HCRTR2: variants seen among roughly 807,000 people sequenced by gnomAD.
HCRTR2 encodes the protein hypocretin receptor 2.
HCRTR2 carries 22 observed loss-of-function variants against 49.0 expected under a neutral mutation model. The ratio of observed to expected loss-of-function variants is 0.45; its 90% CI spans 0.32 to 0.64. The LOEUF (loss-of-function observed/expected upper bound fraction) is 0.64. Among genes scored for constraint, HCRTR2 ranks in the 30% least tolerant of loss-of-function variants. The pLI, the probability that HCRTR2 is intolerant of heterozygous loss-of-function variation, is 0.04. For missense variants in HCRTR2, 491 were observed against 559.4 expected (o/e 0.88, Z 1.23); for synonymous variants, 236 against 205.3 (o/e 1.15, Z -1.28).
chr6:55,280,176 TA>T, intron 5 of HCRTR2, 146 bp from the exon 6 acceptor site: 1 of 626,488 alleles, frequency 1.6e-6, no homozygotes, highest in Non-Finnish European at 2.9e-6. Context: ...GAAGTTATTC[TA>T]AACCAATTAT....
At chr6:55,231,776 C>T (rs893319890) in intron 1 of HCRTR2, among the ~76,000 whole-genome samples, 2 of 152,126 alleles carry the variant, frequency 1.3e-5, no homozygotes, top group African/African-American at 4.8e-5. Flanking sequence ...GACGTGCCTT[C>T]CATTTAATAA....
At chr6:55,193,370 C>G (rs1431767549) in intron 1 of HCRTR2, among the ~76,000 whole-genome samples, 2 of 151,928 alleles carry the variant, frequency 1.3e-5, no homozygotes, top group Non-Finnish European at 2.9e-5. Context: ...GGAGGCAGAG[C>G]ATTAAGAAAG....
chr6:55,154,143 C>T (rs1310260546), intron 1 of HCRTR2, among the ~76,000 whole-genome samples: 5 of 151,728 alleles, frequency 3.3e-5, no homozygotes, highest in African/African-American at 1.2e-4. Context: ...CAAAAACCTC[C>T]CAAGAAGAAG....
At position 55,255,139 on chromosome 6, in the gene HCRTR2, G is replaced by T; in HGVS notation, c.406G>T (p.Val136Leu). The T allele has an allele frequency of 2.5e-6, 4 of 1,613,652 alleles. No individual in the cohort carries two copies. Among genetic ancestry groups the T allele is most frequent in the Non-Finnish European group, 3.4e-6 (4 of 1,179,856 alleles). ...CTATGATCTTTCTTTTCTCTAGACC[G>T]TGTCGGTGTCTGTGTCTGTCCTCAC... is the stretch of plus-strand genomic sequence containing the variant. ...LCKVIPYLQT[V>L]SVSVSVLTLS... The change falls in exon 3 of 7, where the codon GTG (valine) becomes TTG (leucine). Residue 136 changes from valine (V) to leucine (L), a missense_variant. Coordinates refer to ENST00000370862, the MANE Select transcript of HCRTR2 (RefSeq NM_001384272.1).
intron 1 of HCRTR2, among the ~76,000 whole-genome samples, chr6:55,154,566 A>G (rs921734885): frequency 6.6e-6 from 1 of 151,830 alleles, no homozygotes; most frequent in African/African-American, 2.4e-5. Context: ...ACAAACTTTG[A>G]CGTTGTTGAG....
At chr6:55,163,547 T>C (rs1257374152) in intron 1 of HCRTR2, among the ~76,000 whole-genome samples, 1 of 152,184 alleles carries the variant, frequency 6.6e-6, no homozygotes, top group African/African-American at 2.4e-5. Context: ...ATTTAATAAA[T>C]GTTGTTGCGA....
intron 1 of HCRTR2, among the ~76,000 whole-genome samples, chr6:55,175,654 CA>C (rs1765027255): frequency 6.6e-6 from 1 of 152,058 alleles, no homozygotes. Flanking sequence ...GGTCTGTATG[CA>C]AACACGGGTT....
intron 1 of HCRTR2, among the ~76,000 whole-genome samples, chr6:55,166,558 T>G (rs1187433201): frequency 6.6e-6 from 1 of 152,118 alleles, no homozygotes; most frequent in African/African-American, 2.4e-5. Context: ...AAATAACTCG[T>G]GTTGATAAGA....
chr6:55,131,679 A>C (rs1764356522), intron 1 of HCRTR2, among the ~76,000 whole-genome samples: 1 of 151,856 alleles, frequency 6.6e-6, no homozygotes, highest in African/African-American at 2.4e-5. Context: ...ATTTCATTGG[A>C]ATAAGACAAT....
At chr6:55,147,794 A>G (rs1181079469) in intron 1 of HCRTR2, among the ~76,000 whole-genome samples, 2 of 152,226 alleles carry the variant, frequency 1.3e-5, no homozygotes, top group East Asian at 3.8e-4. Context: ...GACTTTGTAT[A>G]GGCTCTGGAT....
rs781177635 is a variant in HCRTR2 at position 55,174,794 on chromosome 6, C to T, written c.207C>T (p.Leu69=). The change falls in exon 1 of 7, where the codon CTC becomes CTT. Residue 69 remains leucine, a synonymous_variant. Coordinates refer to ENST00000370862, the MANE Select transcript of HCRTR2 (RefSeq NM_001384272.1). Reference sequence around the variant, plus strand: ...ACATCATCGTGTTCGTCGTGGCTCTCATTGGGAACGTCCTGGGTGAGTCTC... The same window carrying T: ...ACATCATCGTGTTCGTCGTGGCTCTTATTGGGAACGTCCTGGGTGAGTCTC... ...AGYIIVFVVA[L]IGNVLVCVAV... The T allele has an allele frequency of 1.9e-6, 3 of 1,613,876 alleles. No individual in the cohort carries two copies. Among genetic ancestry groups the T allele is most frequent in the East Asian group, 2.2e-5 (1 of 44,854 alleles).
intron 1 of HCRTR2, among the ~76,000 whole-genome samples, chr6:55,122,494 G>A (rs929930685): frequency 2.6e-5 from 4 of 151,936 alleles, no homozygotes; most frequent in African/African-American, 7.3e-5. Flanking sequence ...GTTATCTCTT[G>A]TCTTCTGCTA....
chr6:55,159,255 G>A lies in HCRTR2; in HGVS notation c.-377-14956G>A, dbSNP rs191941295. Among the ~76,000 whole-genome samples, 50 of 140,100 alleles carry A rather than the reference G, an allele frequency of 3.6e-4. No individual in the cohort carries two copies. In the East Asian group the frequency reaches 6.2e-3, roughly 17 times the overall value. The allele number at this position is 140,100 out of a possible 152,430, so 91.9% of individuals were successfully genotyped here. A position where few individuals can be genotyped will look rare whatever the true frequency, so the allele number is the denominator to read the frequency against. Reference sequence around the variant, plus strand: ...GAAAATTAACAAACAGAAAGGAATAGCATCAACATCAAAAAAACAAAAACA... The same window carrying A: ...GAAAATTAACAAACAGAAAGGAATAACATCAACATCAAAAAAACAAAAACA... On this transcript the variant is annotated intron_variant, in intron 1 of 7. Coordinates refer to the HCRTR2 transcript ENST00000615358.
At chr6:55,233,233 C>T (rs920838480) in intron 1 of HCRTR2, among the ~76,000 whole-genome samples, 5 of 151,860 alleles carry the variant, frequency 3.3e-5, no homozygotes, top group Non-Finnish European at 5.9e-5. Flanking sequence ...GGATTACAGG[C>T]GCCCACCACC....
At chr6:55,146,123 G>T (rs1764577845) in intron 1 of HCRTR2, among the ~76,000 whole-genome samples, 1 of 152,048 alleles carries the variant, frequency 6.6e-6, no homozygotes, top group South Asian at 2.1e-4. Flanking sequence ...CTGTAAAATT[G>T]CTTGGTACAC....
intron 2 of HCRTR2, among the ~76,000 whole-genome samples, chr6:55,250,175 A>G (rs1173110513): frequency 6.6e-6 from 1 of 152,140 alleles, no homozygotes; most frequent in African/African-American, 2.4e-5. Context: ...GTTTAATTAT[A>G]AAGCTAGTTT....
At chr6:55,280,530 T>C (rs755960573) in intron 6 of HCRTR2, 86 bp downstream of exon 6, 101 of 1,572,034 alleles carry the variant, frequency 6.4e-5, no homozygotes, top group Non-Finnish European at 8.3e-5. Flanking sequence ...ATGAGGAGTT[T>C]AGTTGCTATG....
chr6:55,200,124 T>C (rs926122483), intron 1 of HCRTR2, among the ~76,000 whole-genome samples: 1 of 152,174 alleles, frequency 6.6e-6, no homozygotes, highest in African/African-American at 2.4e-5. Context: ...CACTAAAACT[T>C]TAAAAGAATT....
intron 1 of HCRTR2, among the ~76,000 whole-genome samples, chr6:55,141,722 A>G (rs1764510628): frequency 6.6e-6 from 1 of 152,202 alleles, no homozygotes. Flanking sequence ...AGAACAAACA[A>G]TACAACTGGA....
Sources: allele counts gnomAD v4.1 joint callset (sites outside exome capture counted in the v4.1 genomes callset), GRCh38; gene constraint gnomAD v4.1.1; transcripts MANE v1.5; gene names NCBI Gene and HGNC (gene_info 2026-07-23, HGNC 2026-07-21).